The following MCTP1 variants were observed in gnomAD, a reference collection of about 807,000 sequenced individuals.
The protein encoded by MCTP1 is multiple C2 and transmembrane domain containing 1, also known as multiple C2 and transmembrane domain-containing protein 1.
MCTP1 carries 69 observed loss-of-function variants against 120.6 expected under a neutral mutation model. That is an observed-to-expected ratio of 0.57 (90% confidence interval 0.47 to 0.70). The LOEUF (loss-of-function observed/expected upper bound fraction) is 0.70. Ranked by LOEUF, MCTP1 falls within the 30% of genes least tolerant of loss-of-function variation. MCTP1 has a pLI of 0.00. For synonymous variants in MCTP1, 529 were observed against 493.1 expected, an observed-to-expected ratio of 1.07 and a Z score of -0.96; for missense variants, 1,203 against 1,248.8, an observed-to-expected ratio of 0.96 and a Z score of 0.55.
chr5:94,961,270 T>C (rs1346877649), intron 2 of MCTP1, among the ~76,000 whole-genome samples: 4 of 39,696 alleles, frequency 1.0e-4, no homozygotes, highest in African/African-American at 4.0e-4. Context: ...TGGGGGCTGT[T>C]GGGGGGTGGG....
Position 94,953,350 on chromosome 5 carries a change from G to T in MCTP1, c.850C>A (p.Pro284Thr). 1.2e-6 allele frequency: 2 copies of T among 1,604,736 alleles called. No individual in the cohort carries two copies. Among genetic ancestry groups the T allele is most frequent in the Non-Finnish European group, 1.7e-6 (2 of 1,174,758 alleles). Residue 284 changes from proline to threonine, a missense_variant, in exon 3 of 23, where the codon CCA (proline) becomes ACA (threonine). By Grantham distance (38) the Pro-to-Thr change is conservative. Around this residue, in one of 2 missense-constraint regions of MCTP1, gnomAD observed 740 missense variants for 871.1 expected, o/e 0.85. Coordinates refer to ENST00000515393, the MANE Select transcript of MCTP1 (RefSeq NM_024717.7). Reference sequence around the variant, plus strand: ...CCTCCGATTTTAAACTTCACATATGGATCACTCGTCCCTGTTAAATAGATA... The same window carrying T: ...CCTCCGATTTTAAACTTCACATATGTATCACTCGTCCCTGTTAAATAGATA... The part of the protein sequence containing the change: ...AARDRGGTSD[P>T]YVKFKIGGKE...
chr5:94,954,920 A>G (rs1190658985), intron 2 of MCTP1, among the ~76,000 whole-genome samples: 1 of 152,172 alleles, frequency 6.6e-6, no homozygotes, highest in African/African-American at 2.4e-5. Flanking sequence ...TTATCCCTTG[A>G]CACCTCCTAA....
chr5:95,076,769 G>A (rs1753684625), intron 1 of MCTP1, among the ~76,000 whole-genome samples: 1 of 152,108 alleles, frequency 6.6e-6, no homozygotes, highest in Non-Finnish European at 1.5e-5. Flanking sequence ...GTTTAGGGGT[G>A]GGGGAAAAAT....
intron 22 of MCTP1, 81 bp downstream of exon 22, chr5:94,708,430 GA>G: frequency 2.4e-6 from 2 of 845,696 alleles, no homozygotes; most frequent in South Asian, 3.3e-5. Context: ...TAAAGCCTTT[GA>G]AATTAGAAGG....
Position 94,881,521 on chromosome 5 carries a change from C to A in MCTP1, c.1933+7358G>T, listed in dbSNP as rs529545670. Among the ~76,000 whole-genome samples the A allele has an allele frequency of 2.6e-5, 4 of 152,202 alleles. No individual in the cohort carries two copies. In the East Asian group the frequency reaches 7.7e-4, roughly 29 times the overall value. ...AAAAGAAATCATATGTTCTCAAGTT[C>A]TTCTTTTCTCCAGTACAAATATGTC... On this transcript the variant is annotated intron_variant, in intron 12 of 22. Transcript: ENST00000515393.
intron 1 of MCTP1, among the ~76,000 whole-genome samples, chr5:95,272,855 G>T (rs914806933): frequency 1.3e-5 from 2 of 152,198 alleles, no homozygotes; most frequent in African/African-American, 4.8e-5. Flanking sequence ...TGACCCAAAT[G>T]GTCAAGTTTT....
At chr5:94,761,276 T>C (rs1477985888) in intron 19 of MCTP1, among the ~76,000 whole-genome samples, 3 of 152,180 alleles carry the variant, frequency 2.0e-5, no homozygotes, top group Non-Finnish European at 4.4e-5. Flanking sequence ...ACAATTTAGA[T>C]TGGAATTTCC....
In MCTP1 at chr5:94,714,872, CT is replaced by C; in HGVS notation, c.2624del (p.Lys875ArgfsTer4). On this transcript the variant is annotated frameshift_variant, in exon 20 of 23. Transcript: ENST00000515393. LOFTEE classifies it high-confidence loss of function. ...TGGCATAGATTTTATTTATAAATCC[CT>C]TTTTTTCACTGTCCTAAAATGCAAT... ...DDKDDKDSEK[K>X]GFINKIYAIQ... 4.4e-6 allele frequency: 7 copies of C among 1,601,254 alleles called. No individual in the cohort carries two copies. The highest frequency in any genetic ancestry group is 6.0e-6 in the Non-Finnish European group (7 of 1,168,634).
At chr5:95,064,500 T>C (rs1253904387) in intron 1 of MCTP1, among the ~76,000 whole-genome samples, 1 of 152,216 alleles carries the variant, frequency 6.6e-6, no homozygotes, top group Non-Finnish European at 1.5e-5. Flanking sequence ...TAGGATACTA[T>C]TAATAGTAAA....
chr5:94,759,098 G>T (rs1262707070), intron 19 of MCTP1, among the ~76,000 whole-genome samples: 1 of 152,044 alleles, frequency 6.6e-6, no homozygotes, highest in East Asian at 1.9e-4. Flanking sequence ...AGTTGGTGAA[G>T]AAAACCACAA....
chr5:95,001,134 G>A (rs1243630766), intron 2 of MCTP1, among the ~76,000 whole-genome samples: 1 of 152,180 alleles, frequency 6.6e-6, no homozygotes, highest in Non-Finnish European at 1.5e-5. Context: ...CCTGCAAAGA[G>A]GCACCTTGTG....
chr5:95,249,401 GA>G (rs1249086027), intron 1 of MCTP1, among the ~76,000 whole-genome samples: 3 of 152,120 alleles, frequency 2.0e-5, no homozygotes, highest in African/African-American at 7.2e-5. Flanking sequence ...AAAAACATAT[GA>G]AAAAATGCTC....
chr5:95,167,964 C>T (rs1253533662), intron 1 of MCTP1, among the ~76,000 whole-genome samples: 1 of 152,108 alleles, frequency 6.6e-6, no homozygotes, highest in African/African-American at 2.4e-5. Flanking sequence ...ACATGAAGTC[C>T]TTGCCCATGC....
intron 7 of MCTP1, among the ~76,000 whole-genome samples, chr5:94,920,781 ATAAATAAT>A (rs1467477547): frequency 3.3e-5 from 5 of 151,078 alleles, no homozygotes; most frequent in South Asian, 2.1e-4. Flanking sequence ...AAATAAATAA[ATAAATAAT>A]AAAAAGTCAA....
At chr5:94,911,572 C>T (rs1365592592) in intron 9 of MCTP1, among the ~76,000 whole-genome samples, 2 of 152,168 alleles carry the variant, frequency 1.3e-5, no homozygotes, top group Non-Finnish European at 2.9e-5. Flanking sequence ...TTGCCTTCTG[C>T]CATGATTGTA....
intron 1 of MCTP1, among the ~76,000 whole-genome samples, chr5:95,118,650 T>G (rs901066354): frequency 2.0e-5 from 3 of 152,084 alleles, no homozygotes; most frequent in Admixed American, 6.6e-5. Flanking sequence ...GAAACACACT[T>G]CACCTATACA....
chr5:95,207,628 G>A (rs765064031), intron 1 of MCTP1, among the ~76,000 whole-genome samples: 2 of 152,100 alleles, frequency 1.3e-5, no homozygotes, highest in Non-Finnish European at 2.9e-5. Context: ...AGAGGTAAGT[G>A]CAAGTTCTCA....
At chr5:95,151,203 C>G (rs572507159) in intron 1 of MCTP1, among the ~76,000 whole-genome samples, 4 of 150,160 alleles carry the variant, frequency 2.7e-5, no homozygotes, top group Admixed American at 2.7e-4. Flanking sequence ...AGGCTGCTCT[C>G]GAACTCCTGA....
At chr5:94,969,068 C>T (rs1459456494) in intron 2 of MCTP1, among the ~76,000 whole-genome samples, 1 of 151,980 alleles carries the variant, frequency 6.6e-6, no homozygotes, top group African/African-American at 2.4e-5. Context: ...CTAGACTATC[C>T]TAGACCTAGG....
Sources: allele counts gnomAD v4.1 joint callset (sites outside exome capture counted in the v4.1 genomes callset), GRCh38; gene constraint gnomAD v4.1.1; regional missense constraint gnomAD v4.1.1; transcripts MANE v1.5; gene names NCBI Gene and HGNC (gene_info 2026-07-23, HGNC 2026-07-21).